Variants in CTDNEP1 observed in about 807,000 individuals in gnomAD.
CTDNEP1 encodes CTD nuclear envelope phosphatase 1, also known as C-terminal domain nuclear envelope phosphatase 1.
In CTDNEP1, 3 loss-of-function variants were observed where a neutral mutation model predicts 30.1. That is an observed-to-expected ratio of 0.10 (90% CI 0.05 to 0.26). The LOEUF is 0.26. Ranked by LOEUF, CTDNEP1 falls within the 10% of genes least tolerant of loss-of-function variation. CTDNEP1 has a pLI of 1.00. For missense variants in CTDNEP1, 158 were observed against 310.4 expected (o/e 0.51, Z 3.69); for synonymous variants, 123 against 118.8 (o/e 1.04, Z -0.23).
At chr17:7,247,596 A>G (rs1388004265) in intron 1 of CTDNEP1, among the ~76,000 whole-genome samples, 1 of 151,232 alleles carries the variant, frequency 6.6e-6, no homozygotes. Context: ...AGCCTCCCTA[A>G]TAGCTGGGAC....
Position 7,246,640 on chromosome 17 carries a change from T to C in CTDNEP1, c.360+151A>G. On this transcript the variant is annotated intron_variant, in intron 4 of 7. Coordinates refer to ENST00000574322, the MANE Select transcript of CTDNEP1 (RefSeq NM_001143775.2). The surrounding 1 kb of genome is among the most constrained non-coding windows in gnomAD (Gnocchi z 4.9). ...AGCACAACAAATGAACCCCAAGTAC[T>C]GAAAGCCACTCCCCTACCATTACAC... is the stretch of plus-strand genomic sequence containing the variant. The C allele has an allele frequency of 1.4e-6, 1 of 704,950 alleles. No homozygotes were observed. The highest frequency in any genetic ancestry group is 2.5e-5 in the East Asian group (1 of 40,596). 43.7% of individuals were successfully genotyped at this position (704,950 alleles called of 1,614,324 possible). A position where few individuals can be genotyped will look rare whatever the true frequency, so the allele number is the denominator to read the frequency against.
At chr17:7,250,332 C>T (rs1456474389) in intron 1 of CTDNEP1, among the ~76,000 whole-genome samples, 1 of 152,224 alleles carries the variant, frequency 6.6e-6, no homozygotes, top group African/African-American at 2.4e-5. Context: ...CACAAGAGCA[C>T]ATTCATTTAA....
Position 7,246,229 on chromosome 17 carries a change from C to T in CTDNEP1, c.477+25G>A, listed in dbSNP as rs760171420. On this transcript the variant is annotated intron_variant, in intron 5 of 7. Coordinates refer to ENST00000574322, the MANE Select transcript of CTDNEP1 (RefSeq NM_001143775.2). The surrounding 1 kb of genome is among the most constrained non-coding windows in gnomAD (Gnocchi z 4.9). ...CTGGTGGCCTCCCTCCCAAGCCACA[C>T]TCTTAGACTGGGATTCTAGCTTACC... The T allele has an allele frequency of 6.3e-7, 1 of 1,596,572 alleles. No individual in the cohort carries two copies. The highest frequency in any genetic ancestry group is 1.1e-5 in the South Asian group (1 of 90,692).
At chr17:7,251,820 AAGGAGG>A (rs1350010333), upstream of CTDNEP1, 1 of 32,320 alleles carries the variant, frequency 3.1e-5, no homozygotes, top group Admixed American at 3.3e-4. Context: ...AGGAGCAGGG[AAGGAGG>A]GGGAGGGGGA....
chr17:7,244,522 T>C (rs766983717), intron 7 of CTDNEP1, 29 bp downstream of exon 7: 1 of 1,573,800 alleles, frequency 6.4e-7, no homozygotes, highest in African/African-American at 1.3e-5. Flanking sequence ...TCTTGAGATA[T>C]CCAAGTGTCC....
intron 1 of CTDNEP1, 124 bp from the exon 2 acceptor site, chr17:7,247,467 CTTCT>C (rs2071855896): frequency 2.5e-5 from 17 of 672,380 alleles, no homozygotes; most frequent in Admixed American, 8.2e-5. Flanking sequence ...CTTATTTCTT[CTTCT>C]TTTTTTTTTT....
chr17:7,244,585 G>T lies in CTDNEP1; in HGVS notation c.640C>A (p.Leu214Ile). 1 of 1,614,028 alleles carries T rather than the reference G, an allele frequency of 6.2e-7. No individual in the cohort carries two copies. The change falls in exon 7 of 8, where the codon CTT (leucine) becomes ATT (isoleucine). Residue 214 changes from leucine to isoleucine, a missense_variant. Transcript: ENST00000574322. The part of the protein sequence containing the change: ...SWFSDPSDTA[L>I]LNLLPMLDAL... ...TCCAGCATTGGGAGCAGGTTGAGAA[G>T]GGCTGTGTCGCTGGGGTCACTGAAC... is the stretch of plus-strand genomic sequence containing the variant.
rs935944463 is a variant in CTDNEP1, at chr17:7,246,355, C to T, written c.376G>A (p.Glu126Lys). Reference protein sequence around the residue: ...FFLEVVSQWYELVVFTASMEI... With the variant: ...FFLEVVSQWYKLVVFTASMEI... ...ATGCTTGCTGTAAACACCACCAGCTCGTACCACTGGCTCACCTGAAATAGA... is the reference window on the plus strand; with the variant it reads ...ATGCTTGCTGTAAACACCACCAGCTTGTACCACTGGCTCACCTGAAATAGA... Residue 126 changes from glutamate to lysine, a missense_variant, in exon 5 of 8, where the codon GAG becomes AAG. Transcript: ENST00000574322. This position sits in a 1 kb window ranked among gnomAD's most constrained non-coding sequence, Gnocchi z 4.9. The T allele has an allele frequency of 3.1e-6, 5 of 1,612,650 alleles. No individual in the cohort carries two copies. The highest frequency in any genetic ancestry group is 4.2e-6 in the Non-Finnish European group (5 of 1,179,310).
Position 7,246,619 on chromosome 17 carries a change from C to T in CTDNEP1, c.360+172G>A. On this transcript the variant is annotated intron_variant, in intron 4 of 7. Coordinates refer to ENST00000574322, the MANE Select transcript of CTDNEP1 (RefSeq NM_001143775.2). This position sits in a 1 kb window ranked among gnomAD's most constrained non-coding sequence, Gnocchi z 4.9. ...CCAGCGGAAAAGAATTACATCAGCA[C>T]AACAAATGAACCCCAAGTACTGAAA... The T allele has an allele frequency of 5.8e-6, 4 of 686,706 alleles. No individual in the cohort carries two copies. The highest frequency in any genetic ancestry group is 1.8e-5 in the African/African-American group (1 of 56,160). 42.5% of individuals were successfully genotyped at this position (686,706 alleles called of 1,614,324 possible).
chr17:7,244,705 G>A, intron 6 of CTDNEP1, 70 bp from the exon 7 acceptor site: 3 of 1,190,546 alleles, frequency 2.5e-6, no homozygotes, highest in Non-Finnish European at 2.3e-6. Context: ...TCTTCTTGGA[G>A]GGAAGGAGGA....
At position 7,246,693 on chromosome 17, in the gene CTDNEP1, C is replaced by T; in HGVS notation, c.360+98G>A. 2 of 1,061,644 alleles carry T rather than the reference C, an allele frequency of 1.9e-6. No individual in the cohort carries two copies. Among genetic ancestry groups the T allele is most frequent in the Middle Eastern group, 4.1e-4 (2 of 4,866 alleles). The allele number at this position is 1,061,644 out of a possible 1,614,324, so 65.8% of individuals were successfully genotyped here. On this transcript the variant is annotated intron_variant, in intron 4 of 7. Coordinates refer to ENST00000574322, the MANE Select transcript of CTDNEP1 (RefSeq NM_001143775.2). The surrounding 1 kb of genome is among the most constrained non-coding windows in gnomAD (Gnocchi z 4.9). The stretch of plus-strand genomic sequence containing the variant: ...CCTCCCCTCTAGAAAACTGCTCTAA[C>T]CCGTTTCTCCTCACCCCTTCCTCCA...
At chr17:7,248,720 G>A (rs553532088) in intron 1 of CTDNEP1, among the ~76,000 whole-genome samples, 8 of 152,106 alleles carry the variant, frequency 5.3e-5, no homozygotes, top group East Asian at 1.9e-4. Flanking sequence ...CCCCCACAAC[G>A]CAACCTTCAC....
At position 7,244,297 on chromosome 17, in the gene CTDNEP1, A is replaced by G. The variant is rs1180477920; in HGVS notation, c.675-52T>C. ...AGAGTACCTTATAGTTCATACCCTC[A>G]CAACACTCTTGTAAGGCAGCATCAC... On this transcript the variant is annotated intron_variant, in intron 7 of 7. Transcript: ENST00000574322. 4.4e-6 allele frequency: 7 copies of G among 1,578,390 alleles called. No homozygotes were observed. In the South Asian group the frequency reaches 7.8e-5, roughly 18 times the overall value.
rs2071843497 is a variant in CTDNEP1, at chr17:7,246,697, T to C, written c.360+94A>G. ...CCCTCTAGAAAACTGCTCTAACCCG[T>C]TTCTCCTCACCCCTTCCTCCAAATC... On this transcript the variant is annotated intron_variant, in intron 4 of 7. Transcript: ENST00000574322. The surrounding 1 kb of genome is among the most constrained non-coding windows in gnomAD (Gnocchi z 4.9). The C allele has an allele frequency of 2.7e-6, 3 of 1,124,222 alleles. No homozygotes were observed. Among genetic ancestry groups the C allele is most frequent in the Admixed American group, 3.8e-5 (2 of 52,686 alleles). The allele number at this position is 1,124,222 out of a possible 1,614,324, so 69.6% of individuals were successfully genotyped here. A position where few individuals can be genotyped will look rare whatever the true frequency, so the allele number is the denominator to read the frequency against.
chr17:7,245,918 A>T (rs1165639215), intron 6 of CTDNEP1, 108 bp downstream of exon 6: 1 of 695,998 alleles, frequency 1.4e-6, no homozygotes, highest in Non-Finnish European at 2.6e-6. Flanking sequence ...CAAACTAGGG[A>T]TAATCTAGGG....
rs1157664900 is a variant in CTDNEP1 at position 7,244,238 on chromosome 17, C to A, written c.682G>T (p.Ala228Ser). The change falls in exon 8 of 8, where the codon GCT becomes TCT. Residue 228 changes from alanine to serine, a missense_variant. By Grantham distance (99) the Ala-to-Ser change is moderately conservative (BLOSUM62 1). Transcript: ENST00000574322. ...CGGCTCAGCACGGAACGAACATCAG[C>A]GGTGAACCTGGGGTGACAATAACTT... ...LPMLDALRFT[A>S]DVRSVLSRNL... The A allele has an allele frequency of 6.2e-7, 1 of 1,614,056 alleles. No homozygotes were observed. The highest frequency in any genetic ancestry group is 1.1e-5 in the South Asian group (1 of 91,086).
intron 1 of CTDNEP1, 120 bp from the exon 2 acceptor site, chr17:7,247,463 T>A: frequency 1.3e-6 from 1 of 752,662 alleles, no homozygotes. Context: ...TAGGCTTATT[T>A]CTTCTTCTTT....
chr17:7,244,280 T>C (rs1471697711), intron 7 of CTDNEP1, 35 bp from the exon 8 acceptor site: 4 of 1,604,386 alleles, frequency 2.5e-6, no homozygotes, highest in Middle Eastern at 3.3e-4. Context: ...GTAGAGTACC[T>C]TATAGTTCAT....
intron 6 of CTDNEP1, 26 bp from the exon 7 acceptor site, chr17:7,244,661 G>C: frequency 1.3e-6 from 2 of 1,504,190 alleles, no homozygotes; most frequent in African/African-American, 1.4e-5. Context: ...ATGCAGATGA[G>C]AAGAAACAGA....
Sources: gnomAD v4.1 joint callset for allele counts (sites outside exome capture counted in the v4.1 genomes callset) on GRCh38, gnomAD v4.1.1 for gene constraint, Gnocchi (gnomAD v3.1) non-coding constraint, MANE v1.5 for transcripts, NCBI Gene and HGNC (gene_info 2026-07-23, HGNC 2026-07-21) for gene names.